Variants in WDFY3 observed in about 807,000 individuals in gnomAD.
WDFY3 encodes WD repeat and FYVE domain containing 3.
A neutral mutation model predicts 409.6 loss-of-function variants in WDFY3; 66 were observed. The ratio of observed to expected loss-of-function variants is 0.16; its 90% CI spans 0.13 to 0.20. The LOEUF is 0.20. Among genes scored for constraint, WDFY3 ranks in the 10% least tolerant of loss-of-function variants. WDFY3 has a pLI of 1.00. For synonymous variants in WDFY3, 1,521 were observed against 1,537.1 expected (o/e 0.99, Z 0.25); for missense variants, 3,031 against 4,298.1 (o/e 0.71, Z 8.24).
In WDFY3 at chr4:84,733,586, G is replaced by A. The variant is rs750811111; in HGVS notation, c.7017C>T (p.Tyr2339=). The A allele has an allele frequency of 5.0e-6, 8 of 1,613,480 alleles. No homozygotes were observed. Among genetic ancestry groups the A allele is most frequent in the East Asian group, 2.2e-5 (1 of 44,864 alleles). The part of the protein sequence containing the change: ...YQERQQNALK[Y]VTEEWCQIEC... Reference sequence around the variant, plus strand: ...CGATCTGACACCACTCTTCTGTCACGTACTTCAGGGCATTCTGCTGACGCT... The same window carrying A: ...CGATCTGACACCACTCTTCTGTCACATACTTCAGGGCATTCTGCTGACGCT... The change falls in exon 44 of 68, where the codon TAC becomes TAT. Residue 2339 remains tyrosine, a synonymous_variant. Coordinates refer to ENST00000295888, the MANE Select transcript of WDFY3 (RefSeq NM_014991.6).
At chr4:84,725,787 A>C (rs528097055) in intron 45 of WDFY3, among the ~76,000 whole-genome samples, 3 of 152,274 alleles carry the variant, frequency 2.0e-5, no homozygotes, top group Non-Finnish European at 4.4e-5. Flanking sequence ...ATTTCCAACT[A>C]AAGTGGAAAA....
rs1729298295 is a variant in WDFY3, at chr4:84,691,751, T to C, written c.9084A>G (p.Thr3028=). 6.2e-7 allele frequency: 1 copy of C among 1,613,964 alleles called. No individual in the cohort carries two copies. Among genetic ancestry groups the C allele is most frequent in the Non-Finnish European group, 8.5e-7 (1 of 1,179,836 alleles). The part of the protein sequence containing the change: ...LKEPVGQIVC[T]DKGILAVEQN... ...GTTCCACCGCAAGAATACCTTTATC[T>C]GTACATACGATTTGTCCTACAGGTT... Residue 3028 remains threonine (T), a synonymous_variant, in exon 60 of 68, where the codon ACA becomes ACG. Transcript: ENST00000295888.
At chr4:84,775,395 T>A (rs770028415) in intron 27 of WDFY3, among the ~76,000 whole-genome samples, 44 of 151,916 alleles carry the variant, frequency 2.9e-4, no homozygotes, top group Non-Finnish European at 8.8e-5. Flanking sequence ...TTGAAAAACA[T>A]GCACATGACG....
In WDFY3 at chr4:84,678,185, A is replaced by C; in HGVS notation, c.10242T>G (p.Thr3414=). ...RKDNAHPAEV[T]ALGISKDHSR... is the part of the protein sequence containing the mutation. ...ACACTTACTTGGAGATGCCCAAGGC[A>C]GTGACCTCAGCTGGGTGTGCATTGT... Residue 3414 remains threonine (T), a synonymous_variant, in exon 66 of 68, where the codon ACT becomes ACG. Coordinates refer to ENST00000295888, the MANE Select transcript of WDFY3 (RefSeq NM_014991.6). The C allele has an allele frequency of 6.2e-7, 1 of 1,614,080 alleles. No individual in the cohort carries two copies. The highest frequency in any genetic ancestry group is 1.3e-5 in the African/African-American group (1 of 75,048).
chr4:84,802,529 A>T (rs1750782040), intron 16 of WDFY3, among the ~76,000 whole-genome samples: 1 of 151,296 alleles, frequency 6.6e-6, no homozygotes, highest in South Asian at 2.1e-4. Flanking sequence ...CAGCCTCCCA[A>T]AGTGCTGGGA....
At chr4:84,780,379 T>C (rs1457762135) in intron 25 of WDFY3, 81 bp from the exon 26 acceptor site, 9 of 1,311,052 alleles carry the variant, frequency 6.9e-6, no homozygotes, top group Non-Finnish European at 9.2e-6. Flanking sequence ...GAAAAGTTTT[T>C]TAATTAGCAG....
At chr4:84,848,944 T>C (rs1349931319) in intron 5 of WDFY3, among the ~76,000 whole-genome samples, 1 of 152,100 alleles carries the variant, frequency 6.6e-6, no homozygotes, top group Non-Finnish European at 1.5e-5. Context: ...AGCTGAAAGG[T>C]TGTCAGGCTA....
rs187890717 is a variant in WDFY3 at position 84,740,039 on chromosome 4, C to A, written c.6464+148G>T. On this transcript the variant is annotated intron_variant, in intron 39 of 67. Coordinates refer to ENST00000295888, the MANE Select transcript of WDFY3 (RefSeq NM_014991.6). ...TACCCATTATTTCACTGCAAAAATT[C>A]AACACTTGCCCTTTACCTTTTTACA... 6.6e-5 allele frequency: 53 copies of A among 801,408 alleles called. No homozygotes were observed. In the East Asian group the frequency reaches 9.1e-4, roughly 14 times the overall value. 49.6% of individuals were successfully genotyped at this position (801,408 alleles called of 1,614,324 possible). A position where few individuals can be genotyped will look rare whatever the true frequency, so the allele number is the denominator to read the frequency against.
At position 84,841,088 on chromosome 4, in the gene WDFY3, T is replaced by C. The variant is rs574574275; in HGVS notation, c.414+66A>G. Reference sequence around the variant, plus strand: ...TTGGATATAATGATGAATTTAATAATAAAATCACAAGAGAGGCTATAAAAT... The same window carrying C: ...TTGGATATAATGATGAATTTAATAACAAAATCACAAGAGAGGCTATAAAAT... On this transcript the variant is annotated intron_variant, in intron 6 of 67. Transcript: ENST00000295888. 20 of 1,253,746 alleles carry C rather than the reference T, an allele frequency of 1.6e-5. No homozygotes were observed. In the Admixed American group the frequency reaches 3.1e-4, roughly 20 times the overall value. 77.7% of individuals were successfully genotyped at this position (1,253,746 alleles called of 1,614,324 possible). A position where few individuals can be genotyped will look rare whatever the true frequency, so the allele number is the denominator to read the frequency against.
At chr4:84,923,673 C>G (rs984593001) in intron 2 of WDFY3, among the ~76,000 whole-genome samples, 16 of 152,124 alleles carry the variant, frequency 1.1e-4, no homozygotes, top group Non-Finnish European at 1.5e-5. Context: ...TTCTTAGTAG[C>G]TGGTTCTATA....
intron 4 of WDFY3, among the ~76,000 whole-genome samples, chr4:84,859,093 A>G (rs557941950): frequency 6.6e-6 from 1 of 152,198 alleles, no homozygotes; most frequent in African/African-American, 2.4e-5. Context: ...GGAGGAGGAA[A>G]AAGAGCGAGA....
chr4:84,703,076 G>T (rs1329509229), intron 55 of WDFY3, among the ~76,000 whole-genome samples: 8 of 150,100 alleles, frequency 5.3e-5, no homozygotes, highest in Non-Finnish European at 1.2e-4. Flanking sequence ...CAGCCTGGGG[G>T]ATAGCGAGAC....
intron 1 of WDFY3, among the ~76,000 whole-genome samples, chr4:84,942,767 T>C (rs534802606): frequency 6.6e-6 from 1 of 152,314 alleles, no homozygotes; most frequent in Non-Finnish European, 1.5e-5. Flanking sequence ...TTCTTTGTCT[T>C]CTTATTATTG....
chr4:84,857,881 T>A (rs1759995093), intron 4 of WDFY3, among the ~76,000 whole-genome samples: 1 of 152,224 alleles, frequency 6.6e-6, no homozygotes, highest in Non-Finnish European at 1.5e-5. Context: ...TTCCTGGCAC[T>A]CTTGCCCTTC....
At chr4:84,915,936 T>C (rs1251133030) in intron 2 of WDFY3, among the ~76,000 whole-genome samples, 1 of 152,206 alleles carries the variant, frequency 6.6e-6, no homozygotes, top group African/African-American at 2.4e-5. Context: ...AATGCTATGA[T>C]TTTCCACAAA....
At chr4:84,712,889 A>C (rs1395059301) in intron 51 of WDFY3, among the ~76,000 whole-genome samples, 1 of 152,222 alleles carries the variant, frequency 6.6e-6, no homozygotes, top group Non-Finnish European at 1.5e-5. Context: ...CAGAATAAAA[A>C]CTTGTATTTA....
chr4:84,960,553 AC>A (rs1375343596), intron 1 of WDFY3, among the ~76,000 whole-genome samples: 1 of 152,206 alleles, frequency 6.6e-6, no homozygotes. Context: ...AGATGTTTAA[AC>A]AAACATCTTT....
At chr4:84,766,062 CAA>C (rs765334360) in intron 31 of WDFY3, 35 bp from the exon 32 acceptor site, 2 of 1,582,766 alleles carry the variant, frequency 1.3e-6, no homozygotes, top group East Asian at 4.5e-5. Context: ...AAACAAAAAA[CAA>C]AATTAATTTC....
intron 64 of WDFY3, 60 bp from the exon 65 acceptor site, chr4:84,679,302 G>C (rs1483561236): frequency 7.1e-7 from 1 of 1,414,786 alleles, no homozygotes; most frequent in African/African-American, 1.4e-5. Context: ...ACCCAGCTTT[G>C]TTCTGCTAGT....
Sources: gnomAD v4.1 joint callset for allele counts (sites outside exome capture counted in the v4.1 genomes callset) on GRCh38, gnomAD v4.1.1 for gene constraint, MANE v1.5 for transcripts, NCBI Gene and HGNC (gene_info 2026-07-23, HGNC 2026-07-21) for gene names.